The following RALY variants were observed in gnomAD, a reference collection of about 807,000 sequenced individuals.
The protein encoded by RALY is RALY heterogeneous nuclear ribonucleoprotein, also known as RNA-binding protein Raly.
RALY carries 15 observed loss-of-function variants against 30.7 expected under a neutral mutation model. The observed-to-expected ratio is 0.49, with a 90% CI of 0.33 to 0.75. The LOEUF (loss-of-function observed/expected upper bound fraction) is 0.75. RALY is among the 30% of genes least tolerant of loss of function. RALY has a pLI of 0.02. For missense variants in RALY, 339 were observed against 414.3 expected (o/e 0.82, Z 1.58); for synonymous variants, 177 against 170.8 (o/e 1.04, Z -0.28).
intron 3 of RALY, among the ~76,000 whole-genome samples, chr20:34,072,569 G>T (rs1473596359): frequency 1.3e-5 from 2 of 152,184 alleles, no homozygotes; most frequent in Non-Finnish European, 2.9e-5. Flanking sequence ...CTTAGTGACA[G>T]GCTTTACAGT....
chr20:34,032,280 G>T (rs2032313577), intron 2 of RALY, among the ~76,000 whole-genome samples: 1 of 152,052 alleles, frequency 6.6e-6, no homozygotes, highest in Non-Finnish European at 1.5e-5. Flanking sequence ...GACTTTCTTA[G>T]CTTTAGTTTT....
At chr20:34,054,815 CAAA>C (rs771028871) in intron 2 of RALY, among the ~76,000 whole-genome samples, 32 of 110,772 alleles carry the variant, frequency 2.9e-4, no homozygotes, top group Non-Finnish European at 5.6e-4. Flanking sequence ...GAGACTGTCT[CAAA>C]AAAAAAAAAA....
intron 5 of RALY, among the ~76,000 whole-genome samples, chr20:34,074,175 CAG>C (rs1170046180): frequency 6.6e-6 from 1 of 152,198 alleles, no homozygotes; most frequent in East Asian, 1.9e-4. Context: ...GAATACACAA[CAG>C]GGTACAGCGC....
chr20:34,048,165 A>C (rs138379415), intron 2 of RALY, among the ~76,000 whole-genome samples: 1 of 152,302 alleles, frequency 6.6e-6, no homozygotes, highest in African/African-American at 2.4e-5. Context: ...TTGACACAGG[A>C]AGGAAAAGAT....
At position 34,072,200 on chromosome 20, in the gene RALY, C is replaced by T; in HGVS notation, c.126C>T (p.Phe42=). Residue 42 remains phenylalanine, a synonymous_variant, in exon 3 of 10, where the codon TTC becomes TTT. Transcript: ENST00000246194. ...LVKKSDVETI[F]SKYGRVAGCS... is the part of the protein sequence containing the mutation. ...AGAAATCAGATGTGGAGACCATCTTCTCTAAGTATGGCCGTGTGGCCGGCT... is the reference window on the plus strand; with the variant it reads ...AGAAATCAGATGTGGAGACCATCTTTTCTAAGTATGGCCGTGTGGCCGGCT... The T allele has an allele frequency of 1.2e-6, 2 of 1,614,252 alleles. No individual in the cohort carries two copies. The highest frequency in any genetic ancestry group is 1.7e-6 in the Non-Finnish European group (2 of 1,180,046).
intron 3 of RALY, among the ~76,000 whole-genome samples, 189 bp from the exon 4 acceptor site, chr20:34,073,374 A>G (rs146139610): frequency 4.9e-4 from 75 of 152,342 alleles, no homozygotes; most frequent in Middle Eastern, 3.4e-3. Context: ...AGGCATATCC[A>G]TGTGATACCT....
chr20:33,998,278 G>A (rs2030736037), intron 1 of RALY, among the ~76,000 whole-genome samples: 1 of 152,144 alleles, frequency 6.6e-6, no homozygotes, highest in African/African-American at 2.4e-5. Context: ...AGCATTGGAA[G>A]GTCAGGGAAG....
At chr20:34,005,773 C>T (rs369484874) in intron 1 of RALY, among the ~76,000 whole-genome samples, 4 of 152,296 alleles carry the variant, frequency 2.6e-5, no homozygotes, top group South Asian at 2.1e-4. Flanking sequence ...AGAGATATGC[C>T]GTGGGCAACC....
intron 9 of RALY, among the ~76,000 whole-genome samples, chr20:34,078,872 C>T (rs1005530401): frequency 2.0e-5 from 3 of 152,156 alleles, no homozygotes; most frequent in Non-Finnish European, 4.4e-5. Flanking sequence ...AAGACATAAG[C>T]CATTACCACC....
chr20:34,078,617 T>C, intron 9 of RALY, 64 bp downstream of exon 9: 1 of 1,435,048 alleles, frequency 7.0e-7, no homozygotes, highest in Non-Finnish European at 9.3e-7. Context: ...TTGTGCCTTT[T>C]CCCTGGATTG....
chr20:34,021,451 G>C (rs2031817789), intron 1 of RALY, among the ~76,000 whole-genome samples: 1 of 152,220 alleles, frequency 6.6e-6, no homozygotes, highest in African/African-American at 2.4e-5. Flanking sequence ...CACATGGTGA[G>C]AGAGAGTGGG....
chr20:34,062,614 G>A (rs766024431), intron 2 of RALY, among the ~76,000 whole-genome samples: 11 of 152,202 alleles, frequency 7.2e-5, no homozygotes, highest in Non-Finnish European at 1.5e-4. Context: ...GGTTTTCCTT[G>A]AGCTCCATCG....
chr20:34,009,232 GT>G (rs547006551), intron 1 of RALY, among the ~76,000 whole-genome samples: 495 of 150,010 alleles, frequency 3.3e-3, no homozygotes, highest in Non-Finnish European at 4.7e-3. Context: ...TGTGTGTGTG[GT>G]TTTTTTTTGT....
intron 2 of RALY, among the ~76,000 whole-genome samples, chr20:34,046,598 T>G (rs2032887824): frequency 6.6e-6 from 1 of 152,200 alleles, no homozygotes; most frequent in Non-Finnish European, 1.5e-5. Flanking sequence ...AAGTGTCCAG[T>G]GCTTTTAAAA....
intron 2 of RALY, among the ~76,000 whole-genome samples, chr20:34,034,596 C>G (rs1344705458): frequency 6.6e-6 from 1 of 152,122 alleles, no homozygotes; most frequent in African/African-American, 2.4e-5. Flanking sequence ...CATATAATAG[C>G]TTATTTATCT....
Position 34,081,782 on chromosome 20 carries a change from C to T in RALY, c.*1877C>T, listed in dbSNP as rs1049403975. ...ATTCCCAAGCTCTGCTGGGGCCTGA[C>T]TAGGCCAGCCCCAAGGTGGCCAGAG... On this transcript the variant is annotated 3_prime_UTR_variant, in exon 10 of 10. Coordinates refer to ENST00000246194, the MANE Select transcript of RALY (RefSeq NM_016732.3). The T allele has an allele frequency of 2.0e-5, 3 of 152,306 alleles. No individual in the cohort carries two copies. Among genetic ancestry groups the T allele is most frequent in the African/African-American group, 7.2e-5 (3 of 41,470 alleles). The allele number at this position is 152,306 out of a possible 1,614,324, so 9.4% of individuals were successfully genotyped here.
chr20:34,015,845 GCA>G (rs148065141), intron 1 of RALY, among the ~76,000 whole-genome samples: 20 of 149,032 alleles, frequency 1.3e-4, no homozygotes, highest in African/African-American at 2.0e-4. Context: ...TGCAACATGT[GCA>G]CACACACACA....
intron 8 of RALY, 33 bp from the exon 9 acceptor site, chr20:34,078,472 G>T: frequency 1.9e-6 from 3 of 1,543,540 alleles, no homozygotes; most frequent in East Asian, 2.5e-5. Context: ...GGCAATGAGT[G>T]ATGTGTGGTC....
intron 2 of RALY, among the ~76,000 whole-genome samples, chr20:34,042,149 C>T (rs1205656643): frequency 2.6e-5 from 4 of 152,080 alleles, no homozygotes; most frequent in Non-Finnish European, 4.4e-5. Flanking sequence ...AACAACCAAA[C>T]AGAGCTGCTT....
Sources: gnomAD v4.1 joint callset for allele counts (sites outside exome capture counted in the v4.1 genomes callset) on GRCh38, gnomAD v4.1.1 for gene constraint, MANE v1.5 for transcripts, NCBI Gene and HGNC (gene_info 2026-07-23, HGNC 2026-07-21) for gene names.